PLA2R1: variants seen among roughly 807,000 people sequenced by gnomAD.
The protein encoded by PLA2R1 is phospholipase A2 receptor 1.
Under a neutral mutation model 195.9 loss-of-function variants are expected in PLA2R1, and 158 were observed. The observed-to-expected ratio is 0.81, with a 90% confidence interval of 0.71 to 0.92. The LOEUF is 0.92. PLA2R1 is among the 40% of genes least tolerant of loss of function. The probability of loss-of-function intolerance (pLI) is 0.00; values close to 1 mark genes in which losing one functional copy is unlikely to be tolerated. For synonymous variants in PLA2R1, 586 were observed against 598.2 expected (o/e 0.98, Z 0.30); for missense variants, 1,626 against 1,764.6 (o/e 0.92, Z 1.41).
intron 28 of PLA2R1, 127 bp downstream of exon 28, chr2:159,944,779 C>A: frequency 1.5e-6 from 1 of 687,086 alleles, no homozygotes; most frequent in East Asian, 2.6e-5. Flanking sequence ...CAGAACACAA[C>A]AATAATGTCA....
chr2:159,991,880 T>C (rs1201348610), intron 11 of PLA2R1, among the ~76,000 whole-genome samples: 29 of 90,094 alleles, frequency 3.2e-4, no homozygotes, highest in African/African-American at 1.1e-3. Context: ...ACATTTGGGT[T>C]GGTTCCAAGT....
chr2:160,016,607 C>T lies in PLA2R1; in HGVS notation c.1551+7G>A. ...TGTACCTAAATTGCAATGTTAACAGCACTTACCTCTTGACATCCTGATTCA... is the reference window on the plus strand; with the variant it reads ...TGTACCTAAATTGCAATGTTAACAGTACTTACCTCTTGACATCCTGATTCA... On this transcript the variant is annotated splice_region_variant and intron_variant, in intron 9 of 29. Coordinates refer to ENST00000283243, the MANE Select transcript of PLA2R1 (RefSeq NM_007366.5). 1.4e-6 allele frequency: 2 copies of T among 1,467,094 alleles called. No homozygotes were observed. Among genetic ancestry groups the T allele is most frequent in the Non-Finnish European group, 1.9e-6 (2 of 1,046,470 alleles). The allele number at this position is 1,467,094 out of a possible 1,614,324, so 90.9% of individuals were successfully genotyped here.
chr2:159,970,071 C>G, intron 18 of PLA2R1, 77 bp downstream of exon 18: 1 of 910,504 alleles, frequency 1.1e-6, no homozygotes, highest in Non-Finnish European at 1.8e-6. Context: ...ACAAATTGAT[C>G]ACTAAAATTG....
chr2:159,993,453 T>TACACAC (rs3063677), intron 11 of PLA2R1, among the ~76,000 whole-genome samples: 14,759 of 148,202 alleles, frequency 0.1, 1,581 homozygotes, highest in African/African-American at 0.27. Flanking sequence ...GTGTTTAATT[T>TACACAC]ACACACACAC....
At chr2:159,972,699 C>T (rs1273418837) in intron 17 of PLA2R1, among the ~76,000 whole-genome samples, 3 of 152,070 alleles carry the variant, frequency 2.0e-5, no homozygotes, top group African/African-American at 4.8e-5. Flanking sequence ...TACTGCATAA[C>T]AGTGTAAAAA....
intron 14 of PLA2R1, 60 bp downstream of exon 14, chr2:159,979,770 A>G (rs1689819651): frequency 1.1e-6 from 1 of 944,642 alleles, no homozygotes; most frequent in Non-Finnish European, 1.7e-6. Context: ...TGGTTTACCA[A>G]GTGGTCCCAG....
intron 18 of PLA2R1, 82 bp from the exon 19 acceptor site, chr2:159,969,441 G>T: frequency 1.4e-6 from 1 of 728,948 alleles, no homozygotes; most frequent in South Asian, 1.7e-5. Context: ...TTCTGAGGTA[G>T]GGATTGAAGA....
intron 17 of PLA2R1, among the ~76,000 whole-genome samples, chr2:159,975,586 T>A (rs1424023533): frequency 1.3e-5 from 2 of 152,172 alleles, no homozygotes; most frequent in Non-Finnish European, 2.9e-5. Flanking sequence ...GTATTCCTCA[T>A]CCCTCATTTG....
At chr2:160,010,548 G>A (rs2667011) in intron 10 of PLA2R1, among the ~76,000 whole-genome samples, 126,368 of 152,198 alleles carry the variant, frequency 0.83, 52,789 homozygotes, top group African/African-American at 0.91. Context: ...GTGGAAAATC[G>A]ATTAGCAACT....
At chr2:160,028,135 A>G (rs1264909052) in intron 6 of PLA2R1, 83 bp downstream of exon 6, 2 of 888,956 alleles carry the variant, frequency 2.2e-6, no homozygotes, top group African/African-American at 3.4e-5. Context: ...ATTATGAATT[A>G]TTAGCAAAAA....
Position 159,967,569 on chromosome 2 carries a change from A to G in PLA2R1, c.2874T>C (p.Cys958=). The change falls in exon 20 of 30, where the codon TGT becomes TGC. Residue 958 remains cysteine, a synonymous_variant. Transcript: ENST00000283243. The stretch of plus-strand genomic sequence containing the variant: ...AGTTAAAATATAGCCATCCTTTGGG[A>G]CACGTTCCATGTTGTTTTGGTGTAT... The part of the protein sequence containing the change: ...KKDTPKQHGT[C]PKGWLYFNYK... The G allele has an allele frequency of 6.2e-7, 1 of 1,613,780 alleles. No homozygotes were observed. The highest frequency in any genetic ancestry group is 8.5e-7 in the Non-Finnish European group (1 of 1,179,774).
intron 20 of PLA2R1, among the ~76,000 whole-genome samples, chr2:159,964,932 C>CA (rs957321979): frequency 1.3e-5 from 2 of 151,888 alleles, no homozygotes; most frequent in African/African-American, 4.8e-5. Flanking sequence ...GAGGCTGAGG[C>CA]AAGAGAATCA....
In PLA2R1 at chr2:159,956,578, G is replaced by A. The variant is rs112080367; in HGVS notation, c.2954C>T (p.Thr985Met). ...PKDPSSWKNW[T>M]HAQHFCAEEG... The stretch of plus-strand genomic sequence containing the variant: ...TTCAGCACAGAAATGTTGAGCATGC[G>A]TCCAGTTCTTCCAACTGCTTGGGTC... Residue 985 changes from threonine to methionine, a missense_variant, in exon 21 of 30, where the codon ACG (threonine) becomes ATG (methionine). Thr to Met is a moderately conservative substitution (Grantham distance 81). Coordinates refer to ENST00000283243, the MANE Select transcript of PLA2R1 (RefSeq NM_007366.5). The A allele has an allele frequency of 3.1e-6, 5 of 1,613,698 alleles. No individual in the cohort carries two copies. The highest frequency in any genetic ancestry group is 4.5e-5 in the East Asian group (2 of 44,878).
chr2:160,024,607 A>C (rs1289890641), intron 6 of PLA2R1, among the ~76,000 whole-genome samples: 1 of 151,990 alleles, frequency 6.6e-6, no homozygotes. Flanking sequence ...ACCCCCCAGC[A>C]CCTAAGCTGA....
At chr2:159,997,164 T>A (rs1337751774) in intron 11 of PLA2R1, among the ~76,000 whole-genome samples, 1 of 152,062 alleles carries the variant, frequency 6.6e-6, no homozygotes, top group Non-Finnish European at 1.5e-5. Flanking sequence ...GATGGAATGG[T>A]AAGGTGTGAG....
chr2:159,963,282 A>C (rs1688572523), intron 20 of PLA2R1, among the ~76,000 whole-genome samples: 1 of 152,332 alleles, frequency 6.6e-6, no homozygotes, highest in African/African-American at 2.4e-5. Flanking sequence ...AAAACCATGA[A>C]GCTCTTAGAC....
intron 13 of PLA2R1, 120 bp downstream of exon 13, chr2:159,983,808 C>A: frequency 1.8e-6 from 1 of 547,466 alleles, no homozygotes. Context: ...TTTTTCTTGG[C>A]TTTGGGCATA....
Position 159,957,457 on chromosome 2 carries a change from T to TG in PLA2R1, c.2905-831dup, listed in dbSNP as rs532336389. Reference sequence around the variant, plus strand: ...GCAACCTCTGCCTCCTGGGTTCAAGTGATTCTCCTACCTCAGTCTCCTGAG... The same window carrying TG: ...GCAACCTCTGCCTCCTGGGTTCAAGTGGATTCTCCTACCTCAGTCTCCTGAG... On this transcript the variant is annotated intron_variant, in intron 20 of 29. Coordinates refer to ENST00000283243, the MANE Select transcript of PLA2R1 (RefSeq NM_007366.5). Among the ~76,000 whole-genome samples the TG allele has an allele frequency of 1.1e-3, 170 of 152,176 alleles. No individual in the cohort carries two copies. In the Middle Eastern group the frequency reaches 0.051, roughly 46 times the overall value.
intron 6 of PLA2R1, among the ~76,000 whole-genome samples, chr2:160,025,631 A>C (rs1693467874): frequency 6.7e-6 from 1 of 149,738 alleles, no homozygotes; most frequent in Non-Finnish European, 1.5e-5. Context: ...TACACAACTG[A>C]TAAAGAGAAA....
Sources: allele counts gnomAD v4.1 joint callset (sites outside exome capture counted in the v4.1 genomes callset), GRCh38; gene constraint gnomAD v4.1.1; transcripts MANE v1.5; gene names NCBI Gene and HGNC (gene_info 2026-07-23, HGNC 2026-07-21).